The following DIP2A variants were observed in gnomAD, a reference collection of about 807,000 sequenced individuals.
The protein encoded by DIP2A is disco-interacting protein 2 homolog A.
DIP2A carries 85 observed loss-of-function variants against 177.4 expected under a neutral mutation model. That is an observed-to-expected ratio of 0.48 (90% CI 0.40 to 0.57). The LOEUF (loss-of-function observed/expected upper bound fraction) is 0.57, where lower values mean the gene tolerates loss of function less well. DIP2A is among the 20% of genes least tolerant of loss of function. The pLI, the probability that DIP2A is intolerant of heterozygous loss-of-function variation, is 0.00. For synonymous variants in DIP2A, 886 were observed against 881.8 expected (o/e 1.00, Z -0.08); for missense variants, 1,791 against 2,100.2 (o/e 0.85, Z 2.88).
At chr21:46,495,194 CTT>C (rs2057244771) in intron 3 of DIP2A, among the ~76,000 whole-genome samples, 1 of 91,178 alleles carries the variant, frequency 1.1e-5, no homozygotes. Flanking sequence ...CTTCTCTTCT[CTT>C]CTCTTCTCTT....
rs745915355 is a variant in DIP2A at position 46,551,897 on chromosome 21, A to G, written c.3023A>G (p.Asn1008Ser). 10 of 1,604,010 alleles carry G rather than the reference A, an allele frequency of 6.2e-6. No homozygotes were observed. Among genetic ancestry groups the G allele is most frequent in the African/African-American group, 4.0e-5 (3 of 74,758 alleles). The change falls in exon 25 of 38, where the codon AAC (asparagine) becomes AGC (serine). Residue 1008 changes from asparagine to serine, a missense_variant. Asn to Ser is a conservative substitution (Grantham distance 46, BLOSUM62 1). Coordinates refer to ENST00000417564, the MANE Select transcript of DIP2A (RefSeq NM_015151.4). The stretch of plus-strand genomic sequence containing the variant: ...GACCACCCGCTGTTCTTGCTGCTGA[A>G]CGCCAAGGTGAGGCAGTGTCACGCC... ...TPDHPLFLLL[N>S]AKGTVTSTAT...
intron 7 of DIP2A, 76 bp downstream of exon 7, chr21:46,509,452 G>A (rs1373975017): frequency 1.3e-6 from 2 of 1,523,928 alleles, no homozygotes; most frequent in South Asian, 1.3e-5. Context: ...ACAGGCAAAT[G>A]TATATTATAC....
chr21:46,528,527 CTTTTTTTTTTTTTTTTTTTTTTTTTTTT>C (rs1162872343), intron 8 of DIP2A, among the ~76,000 whole-genome samples: 21 of 29,380 alleles, frequency 7.1e-4, no homozygotes, highest in Admixed American at 2.1e-3. Context: ...TTTCTGCTTG[CTTTTTTTTTTTTTTTTTTTTTTTTTTTT>C]TTTTTTTTTT....
intron 21 of DIP2A, among the ~76,000 whole-genome samples, chr21:46,549,407 TAGTAA>T (rs1489492996): frequency 6.6e-6 from 1 of 152,208 alleles, no homozygotes; most frequent in Non-Finnish European, 1.5e-5. Context: ...AGACTAACTC[TAGTAA>T]AATAGAGATG....
At position 46,532,110 on chromosome 21, in the gene DIP2A, T is replaced by G; in HGVS notation, c.1195-17T>G. On this transcript the variant is annotated splice_polypyrimidine_tract_variant and intron_variant, in intron 9 of 37. Transcript: ENST00000417564. ...AAATTGGAAATTTGGAATATTCATT[T>G]CTTTGTCCTGTTGTAGGTGGCGCTC... The G allele has an allele frequency of 1.9e-6, 3 of 1,604,980 alleles. No homozygotes were observed. In the South Asian group the frequency reaches 3.4e-5, roughly 18 times the overall value.
chr21:46,471,167 A>C (rs1376712595), intron 1 of DIP2A, among the ~76,000 whole-genome samples: 2 of 152,114 alleles, frequency 1.3e-5, no homozygotes, highest in Admixed American at 1.3e-4. Flanking sequence ...CCAAGTAGTT[A>C]GGATTTCAGG....
In DIP2A at chr21:46,498,104, C is replaced by A. The variant is rs1164363796; in HGVS notation, c.404-478C>A. On this transcript the variant is annotated intron_variant, in intron 4 of 37. Coordinates refer to ENST00000417564, the MANE Select transcript of DIP2A (RefSeq NM_015151.4). This position sits in a 1 kb window ranked among gnomAD's most constrained non-coding sequence, Gnocchi z 4.3. ...AGACAGGGCTGCGGTTCTCCCATGG[C>A]CACCATGTTGTTGCTGGGGCCATGC... is the stretch of plus-strand genomic sequence containing the variant. Among the ~76,000 whole-genome samples, 1 of 152,202 alleles carries A rather than the reference C, an allele frequency of 6.6e-6. No homozygotes were observed. Among genetic ancestry groups the A allele is most frequent in the Non-Finnish European group, 1.5e-5 (1 of 68,044 alleles).
At chr21:46,514,961 A>G (rs1302835193) in intron 8 of DIP2A, among the ~76,000 whole-genome samples, 1 of 152,216 alleles carries the variant, frequency 6.6e-6, no homozygotes, top group Non-Finnish European at 1.5e-5. Flanking sequence ...TTTCTAATGT[A>G]AAGCAGCCGT....
intron 19 of DIP2A, 48 bp from the exon 20 acceptor site, chr21:46,545,833 T>C: frequency 6.3e-7 from 1 of 1,595,146 alleles, no homozygotes; most frequent in Non-Finnish European, 8.6e-7. Flanking sequence ...TTTTGGCCAG[T>C]TGGTTGGTTG....
At position 46,498,781 on chromosome 21, in the gene DIP2A, G is replaced by A. The variant is rs781633580; in HGVS notation, c.603G>A (p.Pro201=). ...PTTAPSAAAT[P]GAAATTALAG... is the part of the protein sequence containing the mutation. ...CTGCTCCCAGTGCTGCAGCCACGCC[G>A]GGGGCCGCCGCTACCACTGCACTCG... is the stretch of plus-strand genomic sequence containing the variant. Residue 201 remains proline, a synonymous_variant, in exon 5 of 38, where the codon CCG becomes CCA. Coordinates refer to ENST00000417564, the MANE Select transcript of DIP2A (RefSeq NM_015151.4). The surrounding 1 kb of genome is among the most constrained non-coding windows in gnomAD (Gnocchi z 4.3). The A allele has an allele frequency of 2.2e-5, 35 of 1,612,900 alleles. No individual in the cohort carries two copies. Among genetic ancestry groups the A allele is most frequent in the African/African-American group, 4.0e-5 (3 of 74,906 alleles).
At chr21:46,481,049 AC>A (rs1376409042) in intron 1 of DIP2A, among the ~76,000 whole-genome samples, 2 of 152,144 alleles carry the variant, frequency 1.3e-5, no homozygotes, top group Non-Finnish European at 2.9e-5. Flanking sequence ...GCAGAGCGAG[AC>A]CCTGACTCTA....
intron 5 of DIP2A, among the ~76,000 whole-genome samples, chr21:46,501,940 G>A (rs1472961890): frequency 2.6e-5 from 4 of 152,184 alleles, no homozygotes; most frequent in East Asian, 3.9e-4. Context: ...AAATCTTAAC[G>A]GTTTAGATTT....
intron 8 of DIP2A, among the ~76,000 whole-genome samples, chr21:46,523,714 C>T (rs2058936266): frequency 1.3e-5 from 2 of 150,614 alleles, no homozygotes; most frequent in African/African-American, 4.9e-5. Flanking sequence ...CAATTCTGAG[C>T]TTGCAAAGGC....
intron 10 of DIP2A, 122 bp downstream of exon 10, chr21:46,532,359 G>A: frequency 1.3e-6 from 1 of 775,014 alleles, no homozygotes; most frequent in Non-Finnish European, 2.1e-6. Flanking sequence ...AGGAGAGAAA[G>A]CTAGTAGTCA....
At chr21:46,508,772 C>T (rs1157346917) in intron 6 of DIP2A, among the ~76,000 whole-genome samples, 1 of 151,834 alleles carries the variant, frequency 6.6e-6, no homozygotes, top group African/African-American at 2.4e-5. Flanking sequence ...CCTGTGATCC[C>T]AGCAGTTTGG....
intron 5 of DIP2A, 162 bp from the exon 6 acceptor site, chr21:46,504,199 G>T: frequency 1.1e-6 from 1 of 928,862 alleles, no homozygotes; most frequent in South Asian, 1.5e-5. Context: ...TAGGGTCCCA[G>T]TATGCCTTTG....
chr21:46,551,414 T>C (rs925192139), intron 23 of DIP2A, among the ~76,000 whole-genome samples: 3 of 152,214 alleles, frequency 2.0e-5, no homozygotes, highest in Admixed American at 1.3e-4. Context: ...ATGCGTCGTG[T>C]AGTAAACTTC....
In DIP2A at chr21:46,556,446, G is replaced by A. The variant is rs1303540755; in HGVS notation, c.3498+355G>A. On this transcript the variant is annotated intron_variant, in intron 29 of 37. Transcript: ENST00000417564. The surrounding 1 kb of genome is among the most constrained non-coding windows in gnomAD (Gnocchi z 4.5). ...CGCCTGTAATCCCAGCACTTCGGGA[G>A]GCCGAGGCGGGTGGATCACAAGATC... The A allele has an allele frequency of 1.7e-6, 2 of 1,202,360 alleles. No homozygotes were observed. Among genetic ancestry groups the A allele is most frequent in the African/African-American group, 1.6e-5 (1 of 64,064 alleles). The allele number at this position is 1,202,360 out of a possible 1,614,324, so 74.5% of individuals were successfully genotyped here.
chr21:46,507,244 T>C (rs2058059948), intron 6 of DIP2A, among the ~76,000 whole-genome samples: 1 of 152,216 alleles, frequency 6.6e-6, no homozygotes, highest in Non-Finnish European at 1.5e-5. Flanking sequence ...ACCAAATTTT[T>C]TTATATATTG....
Sources: allele counts gnomAD v4.1 joint callset (sites outside exome capture counted in the v4.1 genomes callset), GRCh38; gene constraint gnomAD v4.1.1; non-coding constraint Gnocchi (gnomAD v3.1); transcripts MANE v1.5; gene names NCBI Gene and HGNC (gene_info 2026-07-23, HGNC 2026-07-21).